The following SELE variants were observed in gnomAD, a reference collection of about 807,000 sequenced individuals.
The protein encoded by SELE is selectin E, also known as E-selectin.
In SELE, 52 loss-of-function variants were observed where a neutral mutation model predicts 75.8. The ratio of observed to expected loss-of-function variants is 0.69; its 90% CI spans 0.55 to 0.86. SELE has a LOEUF of 0.86. Ranked by LOEUF, SELE falls within the 40% of genes least tolerant of loss-of-function variation. The pLI, the probability that SELE is intolerant of heterozygous loss-of-function variation, is 0.00. For synonymous variants in SELE, 285 were observed against 258.7 expected, an observed-to-expected ratio of 1.10 and a Z score of -0.98; for missense variants, 754 against 732.7, an observed-to-expected ratio of 1.03 and a Z score of -0.34.
chr1:169,729,685 A>G lies in SELE; in HGVS notation c.716-12T>C, dbSNP rs781131341. On this transcript the variant is annotated splice_polypyrimidine_tract_variant and intron_variant, in intron 5 of 13. Transcript: ENST00000333360. ...ATCACACTCAACCACTGAGGATTTTAAAGAGCACCATGAATTTTACAGAAG... is the reference window on the plus strand; with the variant it reads ...ATCACACTCAACCACTGAGGATTTTGAAGAGCACCATGAATTTTACAGAAG... 1.9e-5 allele frequency: 30 copies of G among 1,612,330 alleles called. No individual in the cohort carries two copies. Among genetic ancestry groups the G allele is most frequent in the Non-Finnish European group, 2.3e-5 (27 of 1,178,878 alleles).
intron 3 of SELE, among the ~76,000 whole-genome samples, chr1:169,732,308 C>T (rs1648929709): frequency 1.3e-5 from 2 of 148,974 alleles, no homozygotes; most frequent in Non-Finnish European, 3.0e-5. Flanking sequence ...TATATACATA[C>T]ACACATATAT....
Position 169,734,021 on chromosome 1 carries a change from T to C in SELE, c.-99A>G, listed in dbSNP as rs3917398. ...ACAGGATCTCTCAGGTGGGTATCACTGCTGCCTCTGTCTCAGGTCAGTATA... is the reference window on the plus strand; with the variant it reads ...ACAGGATCTCTCAGGTGGGTATCACCGCTGCCTCTGTCTCAGGTCAGTATA... On this transcript the variant is annotated 5_prime_UTR_variant, in exon 1 of 14. Coordinates refer to ENST00000333360, the MANE Select transcript of SELE (RefSeq NM_000450.2). The C allele has an allele frequency of 4.0e-3, 768 of 192,338 alleles. 3 individuals are homozygous for C. Among genetic ancestry groups the C allele is most frequent in the Non-Finnish European group, 4.5e-3 (417 of 92,538 alleles). The allele number at this position is 192,338 out of a possible 1,614,324, so 11.9% of individuals were successfully genotyped here.
intron 5 of SELE, 133 bp downstream of exon 5, chr1:169,730,299 A>T: frequency 2.5e-6 from 2 of 801,426 alleles, no homozygotes; most frequent in Non-Finnish European, 3.7e-6. Context: ...ATTGGCTGAG[A>T]GAACAAATTG....
chr1:169,730,415 T>A lies in SELE; in HGVS notation c.715+17A>T. Reference sequence around the variant, plus strand: ...GATGAGTTACAGAACGTTCTGTGCATTCTCAGAGGGATTTACCATTGCAGG... The same window carrying A: ...GATGAGTTACAGAACGTTCTGTGCAATCTCAGAGGGATTTACCATTGCAGG... On this transcript the variant is annotated intron_variant, in intron 5 of 13. Transcript: ENST00000333360. The A allele has an allele frequency of 6.4e-7, 1 of 1,568,996 alleles. No homozygotes were observed. The highest frequency in any genetic ancestry group is 8.7e-7 in the Non-Finnish European group (1 of 1,150,052).
chr1:169,731,616 TAG>T (rs1038602814), intron 4 of SELE: 1 of 472,256 alleles, frequency 2.1e-6, no homozygotes, highest in African/African-American at 2.0e-5. Context: ...AAAACTGACA[TAG>T]AGAGTTAAAC....
intron 2 of SELE, among the ~76,000 whole-genome samples, 196 bp from the exon 3 acceptor site, chr1:169,733,194 A>G (rs3917405): frequency 0.11 from 16,562 of 152,200 alleles, 1,091 homozygotes; most frequent in East Asian, 0.21. Context: ...GCCACCCACT[A>G]GGTACCTTAT....
In SELE at chr1:169,733,964, C is replaced by T. The variant is rs1648980409; in HGVS notation, c.-49+7G>A. The T allele has an allele frequency of 3.9e-6, 1 of 255,644 alleles. No individual in the cohort carries two copies. The highest frequency in any genetic ancestry group is 7.6e-6 in the Non-Finnish European group (1 of 132,174). 15.8% of individuals were successfully genotyped at this position (255,644 alleles called of 1,614,324 possible). On this transcript the variant is annotated splice_region_variant and intron_variant, in intron 1 of 13. Coordinates refer to ENST00000333360, the MANE Select transcript of SELE (RefSeq NM_000450.2). ...GAGGCTGCCCTTATAAAGCGTTCTG[C>T]ACTTACCGTTTTGGGAAGCAGTTGT...
chr1:169,730,680 A>G, intron 4 of SELE, 63 bp from the exon 5 acceptor site: 1 of 996,610 alleles, frequency 1.0e-6, no homozygotes, highest in East Asian at 2.9e-5. Context: ...GAACACTGGA[A>G]ACTAGAACTA....
intron 4 of SELE, chr1:169,731,478 A>C (rs759416549): frequency 2.2e-5 from 4 of 185,868 alleles, no homozygotes; most frequent in Non-Finnish European, 4.5e-5. Flanking sequence ...TACCACCTAG[A>C]TGAGGTGAGT....
At chr1:169,730,801 A>G (rs558414759) in intron 4 of SELE, among the ~76,000 whole-genome samples, 184 bp from the exon 5 acceptor site, 1 of 152,168 alleles carries the variant, frequency 6.6e-6, no homozygotes, top group African/African-American at 2.4e-5. Flanking sequence ...ATGCTGATCC[A>G]TAACAACAAC....
At chr1:169,728,924 A>C (rs1298378820) in intron 7 of SELE, among the ~76,000 whole-genome samples, 1 of 152,130 alleles carries the variant, frequency 6.6e-6, no homozygotes, top group Non-Finnish European at 1.5e-5. Context: ...TAGATTAAGA[A>C]TTCTGTCTAT....
At chr1:169,729,825 A>G in intron 5 of SELE, 152 bp from the exon 6 acceptor site, 1 of 648,678 alleles carries the variant, frequency 1.5e-6, no homozygotes, top group East Asian at 2.7e-5. Context: ...AGCCAGAATA[A>G]AAGCTTTTAT....
Position 169,725,781 on chromosome 1 carries a change from G to C in SELE, c.1796C>G (p.Ser599Ter), listed in dbSNP as rs777818795. ...VPASSCQSLE[S>*]DGSYQKPSYI... ...AGAAGGCTTTTGGTAGCTTCCATCTGATTCAAGGCTTTGGCAGCTGCTGTG... is the reference window on the plus strand; with the variant it reads ...AGAAGGCTTTTGGTAGCTTCCATCTCATTCAAGGCTTTGGCAGCTGCTGTG... The change falls in exon 13 of 14, where the codon TCA becomes TGA. Residue 599 changes from serine to a stop codon, truncating the protein, a stop_gained. Coordinates refer to ENST00000333360, the MANE Select transcript of SELE (RefSeq NM_000450.2). LOFTEE classifies it high-confidence loss of function. The C allele has an allele frequency of 6.2e-7, 1 of 1,614,028 alleles. No individual in the cohort carries two copies. The highest frequency in any genetic ancestry group is 8.5e-7 in the Non-Finnish European group (1 of 1,179,976).
At chr1:169,731,668 A>G in intron 4 of SELE, 167 bp downstream of exon 4, 1 of 554,322 alleles carries the variant, frequency 1.8e-6, no homozygotes, top group Admixed American at 3.2e-5. Flanking sequence ...TGGTGAATCT[A>G]GGACTCAAAC....
intron 2 of SELE, 84 bp downstream of exon 2, chr1:169,733,492 C>G: frequency 7.4e-7 from 1 of 1,349,064 alleles, no homozygotes. Context: ...CTGTGCAGGA[C>G]AGCCCCAGAC....
chr1:169,725,967 A>G (rs1401234415), intron 11 of SELE, 39 bp from the exon 12 acceptor site: 2 of 1,611,120 alleles, frequency 1.2e-6, no homozygotes, highest in African/African-American at 2.7e-5. Flanking sequence ...ATTCAGACTA[A>G]ATGACTTTTA....
chr1:169,732,593 A>T (rs1558015765), intron 3 of SELE, 22 bp downstream of exon 3: 1 of 1,536,644 alleles, frequency 6.5e-7, no homozygotes, highest in East Asian at 2.3e-5. Context: ...ACTACCTCCC[A>T]CTGCTGCCGC....
chr1:169,731,760 C>A (rs1361822437), intron 4 of SELE, 75 bp downstream of exon 4: 1 of 982,172 alleles, frequency 1.0e-6, no homozygotes, highest in Non-Finnish European at 1.6e-6. Context: ...GCATGCAGAC[C>A]TGACTCTAAT....
intron 11 of SELE, among the ~76,000 whole-genome samples, 192 bp from the exon 12 acceptor site, chr1:169,726,120 G>A (rs1434652458): frequency 6.6e-6 from 1 of 152,106 alleles, no homozygotes; most frequent in Admixed American, 6.6e-5. Flanking sequence ...CCATCCAAAG[G>A]GCATAGCAGC....
Sources: allele counts gnomAD v4.1 joint callset (sites outside exome capture counted in the v4.1 genomes callset), GRCh38; gene constraint gnomAD v4.1.1; transcripts MANE v1.5; gene names NCBI Gene and HGNC (gene_info 2026-07-23, HGNC 2026-07-21).